The following SYCE3 variants were observed in gnomAD, a reference collection of about 807,000 sequenced individuals.
The protein encoded by SYCE3 is testis highly expressed gene 2 protein.
SYCE3 carries 3 observed loss-of-function variants against 8.1 expected under a neutral mutation model. The observed-to-expected ratio is 0.37, with a 90% confidence interval of 0.17 to 0.96. The LOEUF (loss-of-function observed/expected upper bound fraction) is 0.96. Among genes scored for constraint, SYCE3 ranks in the 40% least tolerant of loss-of-function variants. SYCE3 has a pLI of 0.41. For missense variants in SYCE3, 83 were observed against 110.0 expected (o/e 0.75, Z 1.10); for synonymous variants, 36 against 38.7 (o/e 0.93, Z 0.26).
At chr22:50,557,489 A>G (rs867762673) in intron 1 of SYCE3, among the ~76,000 whole-genome samples, 1 of 152,122 alleles carries the variant, frequency 6.6e-6, no homozygotes, top group South Asian at 2.1e-4. Context: ...AATTATTAGT[A>G]TTACCTATAT....
intron 1 of SYCE3, among the ~76,000 whole-genome samples, chr22:50,557,451 C>T (rs1374923867): frequency 6.6e-6 from 1 of 152,088 alleles, no homozygotes; most frequent in Non-Finnish European, 1.5e-5. Context: ...CCACCACACC[C>T]AGCCAAGTTT....
Position 50,551,314 on chromosome 22 carries a change from G to C in SYCE3, c.198C>G (p.Phe66Leu). The change falls in exon 3 of 3, where the codon TTC (phenylalanine) becomes TTG (leucine). Residue 66 changes from phenylalanine to leucine, a missense_variant. Physicochemically the swap from Phe to Leu is conservative, Grantham distance 22. Coordinates refer to ENST00000406915, the MANE Select transcript of SYCE3 (RefSeq NM_001123225.3). ...TCTCCATCTCCTCCTTGCAGTTGAC[G>C]AAGGCATCCTCCAGCCGACGCATGG... ...AESMRRLEDA[F>L]VNCKEEMEKN... is the part of the protein sequence containing the mutation. 6.4e-7 allele frequency: 1 copy of C among 1,551,242 alleles called. No homozygotes were observed. Among genetic ancestry groups the C allele is most frequent in the Non-Finnish European group, 8.7e-7 (1 of 1,146,968 alleles).
chr22:50,559,962 C>A (rs373913091), intron 1 of SYCE3, among the ~76,000 whole-genome samples: 10 of 151,996 alleles, frequency 6.6e-5, no homozygotes, highest in African/African-American at 2.4e-4. Flanking sequence ...AAAAAGTAAC[C>A]ACTGGATTTG....
intron 1 of SYCE3, among the ~76,000 whole-genome samples, chr22:50,557,478 GAAT>G (rs1170136216): frequency 1.3e-5 from 2 of 151,990 alleles, no homozygotes; most frequent in African/African-American, 4.8e-5. Context: ...TTTTAAACGG[GAAT>G]TATTAGTATT....
chr22:50,561,598 G>GGTAACCCCCT (rs2069918608), intron 1 of SYCE3, among the ~76,000 whole-genome samples: 1 of 151,958 alleles, frequency 6.6e-6, no homozygotes, highest in Non-Finnish European at 1.5e-5. Context: ...ATCACTTTAG[G>GGTAACCCCCT]TGTGAAGGAC....
At chr22:50,561,633 G>C (rs1040056944) in intron 1 of SYCE3, among the ~76,000 whole-genome samples, 1 of 151,500 alleles carries the variant, frequency 6.6e-6, no homozygotes, top group Admixed American at 6.6e-5. Context: ...TCAGAGCCTA[G>C]AGTCTGGTTT....
intron 1 of SYCE3, among the ~76,000 whole-genome samples, chr22:50,558,482 C>T (rs1446068129): frequency 6.6e-6 from 1 of 152,002 alleles, no homozygotes; most frequent in Non-Finnish European, 1.5e-5. Flanking sequence ...GCCGTCCTCC[C>T]TGTTAAGGGT....
intron 1 of SYCE3, 165 bp from the exon 2 acceptor site, chr22:50,556,570 T>C: frequency 1.8e-6 from 1 of 557,740 alleles, no homozygotes; most frequent in Non-Finnish European, 3.2e-6. Context: ...AATGGGAACA[T>C]GTCTAAAGGC....
intron 1 of SYCE3, among the ~76,000 whole-genome samples, chr22:50,558,615 T>C (rs149709639): frequency 0.015 from 2,309 of 152,244 alleles, 34 homozygotes; most frequent in Middle Eastern, 0.031. Context: ...TCTGTGGGCA[T>C]GGAGCCATTC....
chr22:50,557,753 G>A (rs1032702983), intron 1 of SYCE3, among the ~76,000 whole-genome samples: 4 of 152,116 alleles, frequency 2.6e-5, no homozygotes, highest in Admixed American at 2.6e-4. Flanking sequence ...GAGCTGCCAG[G>A]GAACTTGTAA....
chr22:50,555,794 T>A (rs944162441), intron 2 of SYCE3, among the ~76,000 whole-genome samples: 2 of 33,844 alleles, frequency 5.9e-5, no homozygotes, highest in African/African-American at 1.0e-4. Flanking sequence ...AATGTACATC[T>A]TTTTTTTTTT....
chr22:50,555,720 T>A (rs904746160), intron 2 of SYCE3, among the ~76,000 whole-genome samples: 3 of 151,914 alleles, frequency 2.0e-5, no homozygotes, highest in African/African-American at 4.8e-5. Context: ...TCAGAAAAAA[T>A]TTAAATCTAT....
intron 2 of SYCE3, among the ~76,000 whole-genome samples, chr22:50,553,905 A>C (rs1427165737): frequency 6.6e-6 from 1 of 152,106 alleles, no homozygotes; most frequent in Admixed American, 6.5e-5. Context: ...ATAAAAATGC[A>C]ATATGCGGCT....
intron 2 of SYCE3, among the ~76,000 whole-genome samples, chr22:50,551,841 T>C (rs1260932213): frequency 6.6e-6 from 1 of 152,196 alleles, no homozygotes; most frequent in African/African-American, 2.4e-5. Context: ...TGTCACCTTA[T>C]GTTCAGTGGC....
At chr22:50,561,523 G>A (rs545910778) in intron 1 of SYCE3, among the ~76,000 whole-genome samples, 258 of 150,654 alleles carry the variant, frequency 1.7e-3, no homozygotes, top group Middle Eastern at 0.01. Flanking sequence ...TGGGGCGGGA[G>A]GAGCGTGGGG....
At chr22:50,555,348 A>C (rs2069849693) in intron 2 of SYCE3, among the ~76,000 whole-genome samples, 1 of 152,056 alleles carries the variant, frequency 6.6e-6, no homozygotes, top group Non-Finnish European at 1.5e-5. Context: ...TCTAGTGAAT[A>C]AAAGCTATTT....
chr22:50,562,673 T>C (rs544971940), intron 1 of SYCE3, among the ~76,000 whole-genome samples, 185 bp downstream of exon 1: 1 of 46,342 alleles, frequency 2.2e-5, no homozygotes, highest in African/African-American at 9.1e-5. Context: ...TGAGGCGGGG[T>C]GAGGGGCGTC....
chr22:50,553,156 T>C (rs1293446832), intron 2 of SYCE3, among the ~76,000 whole-genome samples: 1 of 152,108 alleles, frequency 6.6e-6, no homozygotes, highest in African/African-American at 2.4e-5. Context: ...GAGCCAAGAT[T>C]GCACTACTGC....
rs2069805106 is a variant in SYCE3, at chr22:50,551,275, C to T, written c.237G>A (p.Glu79=). 2.6e-6 allele frequency: 4 copies of T among 1,551,322 alleles called. No individual in the cohort carries two copies. Among genetic ancestry groups the T allele is most frequent in the Non-Finnish European group, 2.6e-6 (3 of 1,146,980 alleles). ...GCCTTTGCTTGGTCTCATGCAGCAG[C>T]TCTTGCCAGTTCTTCTCCATCTCCT... ...CKEEMEKNWQ[E]LLHETKQRL Residue 79 remains glutamate (E), a synonymous_variant, in exon 3 of 3, where the codon GAG becomes GAA. Transcript: ENST00000406915.
Sources: gnomAD v4.1 joint callset for allele counts (sites outside exome capture counted in the v4.1 genomes callset) on GRCh38, gnomAD v4.1.1 for gene constraint, MANE v1.5 for transcripts, NCBI Gene and HGNC (gene_info 2026-07-23, HGNC 2026-07-21) for gene names.